The following RPS6KA2 variants were observed in gnomAD, a reference collection of about 807,000 sequenced individuals.
RPS6KA2 encodes ribosomal protein S6 kinase A2, also known as ribosomal protein S6 kinase alpha-2.
Under a neutral mutation model 91.8 loss-of-function variants are expected in RPS6KA2, and 42 were observed. The ratio of observed to expected loss-of-function variants is 0.46; its 90% CI spans 0.36 to 0.59. The LOEUF (loss-of-function observed/expected upper bound fraction) is 0.59. Ranked by LOEUF, RPS6KA2 falls within the 20% of genes least tolerant of loss-of-function variation. RPS6KA2 has a pLI of 0.00. For missense variants in RPS6KA2, 798 were observed against 978.5 expected (o/e 0.82, Z 2.46); for synonymous variants, 414 against 393.6 (o/e 1.05, Z -0.61).
chr6:166,730,568 A>G (rs967664262), intron 2 of RPS6KA2, among the ~76,000 whole-genome samples: 1 of 152,216 alleles, frequency 6.6e-6, no homozygotes, highest in Non-Finnish European at 1.5e-5. Flanking sequence ...TTTCTTGTCA[A>G]TTGAAAATTT....
At chr6:166,723,881 G>A (rs1026667222) in intron 2 of RPS6KA2, among the ~76,000 whole-genome samples, 1 of 151,938 alleles carries the variant, frequency 6.6e-6, no homozygotes, top group African/African-American at 2.4e-5. Flanking sequence ...TGTATTTTTA[G>A]TAGAGATGGG....
chr6:166,525,557 G>T (rs1239390633), intron 3 of RPS6KA2, among the ~76,000 whole-genome samples: 2 of 152,198 alleles, frequency 1.3e-5, no homozygotes, highest in African/African-American at 4.8e-5. Flanking sequence ...ATCCTCCGAG[G>T]TGAGCTGGAA....
intron 10 of RPS6KA2, among the ~76,000 whole-genome samples, chr6:166,482,275 T>A (rs771695108): frequency 3.3e-5 from 5 of 152,244 alleles, no homozygotes; most frequent in Non-Finnish European, 5.9e-5. Context: ...ACAAGTACAC[T>A]GGAAGTCTTG....
In RPS6KA2 at chr6:166,412,617, A is replaced by T. The variant is rs913359474; in HGVS notation, c.*145T>A. Reference sequence around the variant, plus strand: ...CAGGTCAGGACCCTCTCCGGGGCTGAAAAAGAAAACACGGACACGGCGAGG... The same window carrying T: ...CAGGTCAGGACCCTCTCCGGGGCTGTAAAAGAAAACACGGACACGGCGAGG... On this transcript the variant is annotated 3_prime_UTR_variant, in exon 21 of 21. Coordinates refer to ENST00000265678, the MANE Select transcript of RPS6KA2 (RefSeq NM_021135.6). This position sits in a 1 kb window ranked among gnomAD's most constrained non-coding sequence, Gnocchi z 4.3. 13 of 822,406 alleles carry T rather than the reference A, an allele frequency of 1.6e-5. No individual in the cohort carries two copies. In the Admixed American group the frequency reaches 4.0e-4, roughly 25 times the overall value. 50.9% of individuals were successfully genotyped at this position (822,406 alleles called of 1,614,324 possible).
In RPS6KA2 at chr6:166,770,999, C is replaced by A. The variant is rs1013924776; in HGVS notation, c.123+87201G>T. 1 of 1,126,816 alleles carries A rather than the reference C, an allele frequency of 8.9e-7. No individual in the cohort carries two copies. Among genetic ancestry groups the A allele is most frequent in the Non-Finnish European group, 1.3e-6 (1 of 775,266 alleles). 69.8% of individuals were successfully genotyped at this position (1,126,816 alleles called of 1,614,324 possible). A position where few individuals can be genotyped will look rare whatever the true frequency, so the allele number is the denominator to read the frequency against. On this transcript the variant is annotated intron_variant, in intron 2 of 21. Coordinates refer to the RPS6KA2 transcript ENST00000503859. The surrounding 1 kb of genome is among the most constrained non-coding windows in gnomAD (Gnocchi z 5.1). ...AACTTCATTAGCAAGGGCATTACTA[C>A]CATACTCACCAGGCCTGTGAGCTTT...
intron 1 of RPS6KA2, among the ~76,000 whole-genome samples, chr6:166,545,390 C>T (rs1783793631): frequency 6.6e-6 from 1 of 152,174 alleles, no homozygotes; most frequent in Non-Finnish European, 1.5e-5. Flanking sequence ...TAGGAGTGGG[C>T]TGGCTGCTCG....
chr6:166,751,984 G>A (rs1791300937), intron 2 of RPS6KA2, among the ~76,000 whole-genome samples: 1 of 152,188 alleles, frequency 6.6e-6, no homozygotes, highest in Non-Finnish European at 1.5e-5. Context: ...AGACTCCTTG[G>A]AGAAAGGGGC....
At chr6:166,453,848 G>T (rs747502912) in intron 12 of RPS6KA2, among the ~76,000 whole-genome samples, 53 of 152,298 alleles carry the variant, frequency 3.5e-4, no homozygotes, top group Non-Finnish European at 6.2e-4. Context: ...GTACATATAC[G>T]CAATGGAATA....
chr6:166,450,200 G>T (rs1779840334), intron 13 of RPS6KA2, among the ~76,000 whole-genome samples: 1 of 136,794 alleles, frequency 7.3e-6, no homozygotes, highest in Non-Finnish European at 1.6e-5. Flanking sequence ...GGATCACCAT[G>T]GGAGGCTACC....
chr6:166,505,666 G>A (rs557346068), intron 5 of RPS6KA2, among the ~76,000 whole-genome samples: 6 of 152,334 alleles, frequency 3.9e-5, no homozygotes, highest in Admixed American at 1.3e-4. Flanking sequence ...CCGGGCACCC[G>A]CTTCACACAG....
chr6:166,665,005 G>A lies in RPS6KA2; in HGVS notation c.124-126221C>T, dbSNP rs1314950577. Among the ~76,000 whole-genome samples, 2 of 152,220 alleles carry A rather than the reference G, an allele frequency of 1.3e-5. No homozygotes were observed. Among genetic ancestry groups the A allele is most frequent in the African/African-American group, 4.8e-5 (2 of 41,450 alleles). ...CACACCTGTAACCCCAGTACTTTGA[G>A]AGGCTGAGGCAAGAGGATTGCTTGA... On this transcript the variant is annotated intron_variant, in intron 2 of 21. Transcript: ENST00000503859. The surrounding 1 kb of genome is among the most constrained non-coding windows in gnomAD (Gnocchi z 4.5).
rs1053787456 is a variant in RPS6KA2, at chr6:166,418,605, G to A, written c.1821-263C>T. On this transcript the variant is annotated intron_variant, in intron 18 of 20. Transcript: ENST00000265678. This position sits in a 1 kb window ranked among gnomAD's most constrained non-coding sequence, Gnocchi z 4.9. ...TGTGCTGTATCCCCTCCGGACCCAG[G>A]TAAACTGGGATGGGGTGGCCTAGTG... 6.6e-6 allele frequency among the ~76,000 whole-genome samples: 1 copy of A among 152,342 alleles called. No individual in the cohort carries two copies. Among genetic ancestry groups the A allele is most frequent in the East Asian group, 1.9e-4 (1 of 5,182 alleles).
intron 11 of RPS6KA2, among the ~76,000 whole-genome samples, chr6:166,464,808 G>C (rs1461383684): frequency 2.0e-5 from 3 of 152,160 alleles, no homozygotes; most frequent in African/African-American, 7.2e-5. Flanking sequence ...TCATCAAGCA[G>C]AGCTGGCCTT....
At chr6:166,858,388 A>G (rs1403482081) in intron 1 of RPS6KA2, 1 of 644,452 alleles carries the variant, frequency 1.6e-6, no homozygotes, top group Non-Finnish European at 2.8e-6. Flanking sequence ...CATGGAAACC[A>G]TATCACCGTC....
intron 8 of RPS6KA2, among the ~76,000 whole-genome samples, chr6:166,498,293 C>T (rs1024051707): frequency 6.6e-6 from 1 of 152,256 alleles, no homozygotes; most frequent in Non-Finnish European, 1.5e-5. Flanking sequence ...TGCGTTTCTG[C>T]GTTCTCGTTT....
intron 1 of RPS6KA2, among the ~76,000 whole-genome samples, chr6:166,593,285 T>C (rs1785416840): frequency 1.3e-5 from 2 of 151,696 alleles, no homozygotes; most frequent in Non-Finnish European, 2.9e-5. Context: ...CAAAATAGAA[T>C]AGAATGAAAT....
rs567388906 is a variant in RPS6KA2, at chr6:166,836,149, T to A, written c.123+22051A>T. Among the ~76,000 whole-genome samples, 18 of 152,254 alleles carry A rather than the reference T, an allele frequency of 1.2e-4. No individual in the cohort carries two copies. The South Asian group carries it at 3.7e-3, about 32-fold the overall frequency. Reference sequence around the variant, plus strand: ...CTAATATTTTCCTAAGGAAAATATATATTATTTTTTAAGTGTATATTTAGG... The same window carrying A: ...CTAATATTTTCCTAAGGAAAATATAAATTATTTTTTAAGTGTATATTTAGG... On this transcript the variant is annotated intron_variant, in intron 2 of 21. Coordinates refer to the RPS6KA2 transcript ENST00000503859.
At chr6:166,432,121 C>T (rs1224490515) in intron 15 of RPS6KA2, among the ~76,000 whole-genome samples, 2 of 152,146 alleles carry the variant, frequency 1.3e-5, no homozygotes, top group African/African-American at 4.8e-5. Context: ...CCCTGCACCC[C>T]CATGGGCCTC....
intron 1 of RPS6KA2, among the ~76,000 whole-genome samples, chr6:166,567,958 G>A (rs547124064): frequency 7.2e-5 from 11 of 152,250 alleles, no homozygotes; most frequent in African/African-American, 2.6e-4. Flanking sequence ...AAGTCCAAGG[G>A]CACGCCAGTG....
Sources: allele counts gnomAD v4.1 joint callset (sites outside exome capture counted in the v4.1 genomes callset), GRCh38; gene constraint gnomAD v4.1.1; non-coding constraint Gnocchi (gnomAD v3.1); transcripts MANE v1.5; gene names NCBI Gene and HGNC (gene_info 2026-07-23, HGNC 2026-07-21).